Variants in TRAF3IP1 observed in about 807,000 individuals in gnomAD.
TRAF3IP1 encodes TRAF3-interacting protein 1.
TRAF3IP1 carries 53 observed loss-of-function variants against 89.9 expected under a neutral mutation model. The ratio of observed to expected loss-of-function variants is 0.59; its 90% CI spans 0.47 to 0.74. The LOEUF is 0.74. Among genes scored for constraint, TRAF3IP1 ranks in the 30% least tolerant of loss-of-function variants. The pLI is 0.00. For missense variants in TRAF3IP1, 806 were observed against 866.1 expected (o/e 0.93, Z 0.87); for synonymous variants, 311 against 322.1 (o/e 0.97, Z 0.37).
chr2:238,367,394 G>A (rs995016330), intron 15 of TRAF3IP1, among the ~76,000 whole-genome samples: 1 of 152,048 alleles, frequency 6.6e-6, no homozygotes. Context: ...TTGAAGAGGT[G>A]TGAAGACTTC....
chr2:238,324,615 C>CT (rs1223579126), intron 1 of TRAF3IP1, among the ~76,000 whole-genome samples: 1 of 151,334 alleles, frequency 6.6e-6, no homozygotes. Flanking sequence ...TTCTTTTTTT[C>CT]TTTTTTTTGA....
intron 15 of TRAF3IP1, among the ~76,000 whole-genome samples, chr2:238,393,249 T>C (rs552926366): frequency 6.6e-6 from 1 of 152,354 alleles, no homozygotes; most frequent in Non-Finnish European, 1.5e-5. Flanking sequence ...TGTGTGGTGA[T>C]GGCTCATTGT....
At chr2:238,372,617 A>C (rs1474107091) in intron 15 of TRAF3IP1, among the ~76,000 whole-genome samples, 1 of 152,198 alleles carries the variant, frequency 6.6e-6, no homozygotes, top group Admixed American at 6.5e-5. Context: ...TTTATAGCAG[A>C]ATGATTTATA....
intron 15 of TRAF3IP1, among the ~76,000 whole-genome samples, chr2:238,358,717 A>G (rs1336908921): frequency 1.3e-5 from 2 of 152,154 alleles, no homozygotes; most frequent in Admixed American, 1.3e-4. Flanking sequence ...TTCATGCAGC[A>G]TGTTTCTCTC....
At chr2:238,395,814 C>T (rs1213884614) in intron 15 of TRAF3IP1, among the ~76,000 whole-genome samples, 1 of 152,184 alleles carries the variant, frequency 6.6e-6, no homozygotes, top group African/African-American at 2.4e-5. Flanking sequence ...ATATGCAAAT[C>T]AAAACCACAA....
chr2:238,344,817 C>T (rs1698818961), intron 9 of TRAF3IP1: 3 of 654,830 alleles, frequency 4.6e-6, no homozygotes, highest in African/African-American at 1.8e-5. Flanking sequence ...CCCCCGTGCT[C>T]TGTAAGTGAG....
chr2:238,382,303 T>TG (rs1700582812), intron 15 of TRAF3IP1, among the ~76,000 whole-genome samples: 1 of 152,202 alleles, frequency 6.6e-6, no homozygotes. Context: ...AATATGATAC[T>TG]GAGACACATC....
chr2:238,325,334 G>A lies in TRAF3IP1; in HGVS notation c.152G>A (p.Gly51Asp), dbSNP rs1574887966. ...ATTAGAATGACTGGTTTCATGAAGG[G>A]CCTCTACACAGACGCCGAGATGAAG... ...EVIRMTGFMKGLYTDAEMKSD... is the reference protein window; with the variant it reads ...EVIRMTGFMKDLYTDAEMKSD... The change falls in exon 2 of 17, where the codon GGC (glycine) becomes GAC (aspartate). Residue 51 changes from glycine (G) to aspartate (D), a missense_variant. Transcript: ENST00000373327. The A allele has an allele frequency of 1.2e-6, 2 of 1,614,066 alleles. No individual in the cohort carries two copies. Among genetic ancestry groups the A allele is most frequent in the African/African-American group, 1.3e-5 (1 of 74,986 alleles).
intron 9 of TRAF3IP1, 34 bp downstream of exon 9, chr2:238,344,632 A>G: frequency 6.3e-7 from 1 of 1,583,368 alleles, no homozygotes; most frequent in Non-Finnish European, 8.7e-7. Context: ...TTTCCTGGCG[A>G]GAGCAGAGTG....
intron 15 of TRAF3IP1, among the ~76,000 whole-genome samples, chr2:238,396,491 GCA>G (rs956027921): frequency 6.7e-6 from 1 of 150,136 alleles, no homozygotes; most frequent in African/African-American, 2.5e-5. Context: ...TAACAAACCT[GCA>G]CATTGTGTAC....
intron 15 of TRAF3IP1, among the ~76,000 whole-genome samples, chr2:238,370,901 G>A (rs1051264259): frequency 3.9e-5 from 6 of 152,288 alleles, no homozygotes; most frequent in South Asian, 4.1e-4. Flanking sequence ...GGGGAATTAC[G>A]GACATTTTTC....
At chr2:238,395,147 C>G (rs1009954568) in intron 15 of TRAF3IP1, among the ~76,000 whole-genome samples, 6 of 152,206 alleles carry the variant, frequency 3.9e-5, no homozygotes, top group Admixed American at 3.9e-4. Flanking sequence ...AGGAGGATCA[C>G]TTGAGCCCAG....
chr2:238,342,084 G>A (rs1458042752), intron 8 of TRAF3IP1, among the ~76,000 whole-genome samples: 4 of 152,058 alleles, frequency 2.6e-5, no homozygotes, highest in Non-Finnish European at 2.9e-5. Flanking sequence ...CACCTCCTAG[G>A]TTCAGGGGAT....
intron 1 of TRAF3IP1, 99 bp downstream of exon 1, chr2:238,320,884 T>C: frequency 8.4e-6 from 9 of 1,067,530 alleles, no homozygotes; most frequent in Non-Finnish European, 1.1e-5. Context: ...CGAGCCGGGC[T>C]CGGGCTCAGG....
At chr2:238,321,533 CT>C (rs997395832) in intron 1 of TRAF3IP1, among the ~76,000 whole-genome samples, 56 of 152,146 alleles carry the variant, frequency 3.7e-4, no homozygotes, top group Middle Eastern at 3.2e-3. Flanking sequence ...GTCTCTGTAG[CT>C]TTTTCCACTT....
At chr2:238,352,566 A>C (rs1243713702) in intron 12 of TRAF3IP1, among the ~76,000 whole-genome samples, 2 of 151,504 alleles carry the variant, frequency 1.3e-5, no homozygotes, top group Non-Finnish European at 2.9e-5. Flanking sequence ...GGTGTGGACC[A>C]GGAGGCCTGG....
chr2:238,334,990 G>A (rs1412131473), intron 7 of TRAF3IP1, among the ~76,000 whole-genome samples: 1 of 152,182 alleles, frequency 6.6e-6, no homozygotes, highest in Admixed American at 6.5e-5. Context: ...CCTTGTCATC[G>A]CGTGTGAGTG....
At chr2:238,365,867 C>A (rs557672594) in intron 15 of TRAF3IP1, among the ~76,000 whole-genome samples, 32 of 152,010 alleles carry the variant, frequency 2.1e-4, no homozygotes, top group Non-Finnish European at 4.3e-4. Flanking sequence ...CAAGTAAAAT[C>A]TCTGAATGCA....
chr2:238,322,687 C>CAAAA (rs71043130), intron 1 of TRAF3IP1, among the ~76,000 whole-genome samples: 29 of 43,582 alleles, frequency 6.7e-4, no homozygotes, highest in Admixed American at 1.9e-3. Flanking sequence ...GACCCTGTCT[C>CAAAA]AAAAAAAAAA....
Sources: gnomAD v4.1 joint callset for allele counts (sites outside exome capture counted in the v4.1 genomes callset) on GRCh38, gnomAD v4.1.1 for gene constraint, MANE v1.5 for transcripts, NCBI Gene and HGNC (gene_info 2026-07-23, HGNC 2026-07-21) for gene names.